TPCN2: variants seen among roughly 807,000 people sequenced by gnomAD.
TPCN2 encodes two pore segment channel 2, also known as two pore channel protein 2.
In TPCN2, 92 loss-of-function variants were observed where a neutral mutation model predicts 111.4. That is an observed-to-expected ratio of 0.83 (90% CI 0.70 to 0.98). The LOEUF is 0.98. Among genes scored for constraint, TPCN2 ranks in the 50% least tolerant of loss-of-function variants. The pLI is 0.00. For missense variants in TPCN2, 995 were observed against 980.1 expected, an observed-to-expected ratio of 1.02 and a Z score of -0.20; for synonymous variants, 405 against 414.5, an observed-to-expected ratio of 0.98 and a Z score of 0.28.
At chr11:69,052,349 A>AT (rs1398781285) in intron 1 of TPCN2, among the ~76,000 whole-genome samples, 1 of 151,990 alleles carries the variant, frequency 6.6e-6, no homozygotes, top group African/African-American at 2.4e-5. Context: ...TATTCATGGG[A>AT]TATATCAGCT....
At position 69,088,118 on chromosome 11, in the gene TPCN2, C is replaced by T. The variant is rs1856353253; in HGVS notation, c.*165C>T. On this transcript the variant is annotated 3_prime_UTR_variant, in exon 25 of 25. Transcript: ENST00000294309. Reference sequence around the variant, plus strand: ...AGGAACCAAGTCCTTTGCGTGTGGCCCAACAACCATCTACAGAACAGCTGC... The same window carrying T: ...AGGAACCAAGTCCTTTGCGTGTGGCTCAACAACCATCTACAGAACAGCTGC... 15 of 614,252 alleles carry T rather than the reference C, an allele frequency of 2.4e-5. No individual in the cohort carries two copies. In the South Asian group the frequency reaches 3.0e-4, roughly 12 times the overall value. The allele number at this position is 614,252 out of a possible 1,614,324, so 38.1% of individuals were successfully genotyped here. A position where few individuals can be genotyped will look rare whatever the true frequency, so the allele number is the denominator to read the frequency against.
In TPCN2 at chr11:69,078,558, A is replaced by G. The variant is rs774118790; in HGVS notation, c.1307A>G (p.Tyr436Cys). 1 of 1,613,874 alleles carries G rather than the reference A, an allele frequency of 6.2e-7. No homozygotes were observed. The highest frequency in any genetic ancestry group is 1.7e-5 in the Admixed American group (1 of 60,004). ...QFLFGHYYFD[Y>C]LGNLIALANL... ...CTCTTCGGCCACTACTACTTTGACT[A>G]CCTGGGGAACCTCATCGCCCTGGCA... Residue 436 changes from tyrosine to cysteine, a missense_variant, in exon 14 of 25, where the codon TAC becomes TGC. By Grantham distance (194) the Tyr-to-Cys change is radical. Transcript: ENST00000294309.
intron 1 of TPCN2, among the ~76,000 whole-genome samples, chr11:69,053,720 C>A (rs763711266): frequency 6.6e-6 from 1 of 152,188 alleles, no homozygotes; most frequent in African/African-American, 2.4e-5. Context: ...CGTGGAGGAG[C>A]CGGGCTCTGA....
At chr11:69,084,652 G>A (rs1482360402) in intron 19 of TPCN2, 7 of 985,332 alleles carry the variant, frequency 7.1e-6, no homozygotes, top group Non-Finnish European at 8.4e-6. Flanking sequence ...AGGCAGTTTT[G>A]CCATTTTATT....
intron 13 of TPCN2, among the ~76,000 whole-genome samples, chr11:69,077,677 A>G (rs1023239571): frequency 4.6e-5 from 7 of 152,174 alleles, no homozygotes; most frequent in Non-Finnish European, 1.0e-4. Context: ...TGACGTATAC[A>G]TGAAGCATTG....
chr11:69,060,440 G>T (rs1357763161), intron 5 of TPCN2, among the ~76,000 whole-genome samples: 1 of 152,210 alleles, frequency 6.6e-6, no homozygotes, highest in Non-Finnish European at 1.5e-5. Context: ...CTCCAGCCTT[G>T]TGGCCGAGTG....
intron 1 of TPCN2, among the ~76,000 whole-genome samples, chr11:69,053,608 C>T (rs573176346): frequency 3.0e-4 from 45 of 152,184 alleles, no homozygotes; most frequent in Admixed American, 1.2e-3. Flanking sequence ...GGCTCTTGTG[C>T]TCCTGCGTTG....
intron 4 of TPCN2, among the ~76,000 whole-genome samples, chr11:69,055,656 G>C (rs11228463): frequency 0.032 from 2,609 of 80,718 alleles, no homozygotes; most frequent in Non-Finnish European, 0.05. Flanking sequence ...GCAAACTGAG[G>C]CCAGTGTGCC....
At chr11:69,068,200 C>T (rs1050254595) in intron 8 of TPCN2, among the ~76,000 whole-genome samples, 1 of 152,238 alleles carries the variant, frequency 6.6e-6, no homozygotes, top group Non-Finnish European at 1.5e-5. Flanking sequence ...CTGGCTGGTG[C>T]CTTTCATCTT....
In TPCN2 at chr11:69,087,971, C is replaced by T; in HGVS notation, c.*18C>T. The T allele has an allele frequency of 1.3e-6, 2 of 1,598,288 alleles. No homozygotes were observed. Among genetic ancestry groups the T allele is most frequent in the Non-Finnish European group, 8.5e-7 (1 of 1,174,266 alleles). On this transcript the variant is annotated 3_prime_UTR_variant, in exon 25 of 25. Coordinates refer to ENST00000294309, the MANE Select transcript of TPCN2 (RefSeq NM_139075.4). ...GCAGGTGACGTCCGGGCTGCCGTCC[C>T]AGCAGGGGCGGCAGGAGAGAGAGGC...
chr11:69,081,126 G>A (rs1383505608), intron 17 of TPCN2, among the ~76,000 whole-genome samples: 2 of 152,020 alleles, frequency 1.3e-5, no homozygotes, highest in African/African-American at 4.8e-5. Flanking sequence ...TGTAGAAGGA[G>A]GGCTGCAGCC....
intron 19 of TPCN2, 133 bp downstream of exon 19, chr11:69,084,149 C>T: frequency 4.5e-6 from 4 of 897,530 alleles, no homozygotes; most frequent in Non-Finnish European, 7.1e-6. Context: ...GCAGCAGGTT[C>T]CTGAGGCCAG....
chr11:69,086,596 A>G lies in TPCN2; in HGVS notation c.2077A>G (p.Ile693Val). 3 of 1,613,704 alleles carry G rather than the reference A, an allele frequency of 1.9e-6. No homozygotes were observed. The highest frequency in any genetic ancestry group is 2.5e-6 in the Non-Finnish European group (3 of 1,179,888). ...CTGGGTCAACCTGTTTCTGGCCCTGATTCTGGAGGTATCAGAGATCCCCAC... is the reference window on the plus strand; with the variant it reads ...CTGGGTCAACCTGTTTCTGGCCCTGGTTCTGGAGGTATCAGAGATCCCCAC... ...VIWVNLFLALILENFLHKWDP... is the reference protein window; with the variant it reads ...VIWVNLFLALVLENFLHKWDP... Residue 693 changes from isoleucine to valine, a missense_variant, in exon 23 of 25, where the codon ATT (isoleucine) becomes GTT (valine). Physicochemically the swap from Ile to Val is conservative, Grantham distance 29. Transcript: ENST00000294309.
At chr11:69,085,339 G>A (rs371971469) in intron 20 of TPCN2, 53 bp downstream of exon 20, 1 of 1,435,160 alleles carries the variant, frequency 7.0e-7, no homozygotes, top group South Asian at 1.1e-5. Flanking sequence ...GCTGGGGTGG[G>A]CGGGAAGCCT....
chr11:69,088,083 A>G lies in TPCN2; in HGVS notation c.*130A>G. ...AGACCTTTCCTCTGACGGACCACTA[A>G]GCTGGGGACAGGAACCAAGTCCTTT... is the stretch of plus-strand genomic sequence containing the variant. On this transcript the variant is annotated 3_prime_UTR_variant, in exon 25 of 25. Coordinates refer to ENST00000294309, the MANE Select transcript of TPCN2 (RefSeq NM_139075.4). 5.5e-6 allele frequency: 4 copies of G among 732,554 alleles called. No individual in the cohort carries two copies. Among genetic ancestry groups the G allele is most frequent in the Non-Finnish European group, 8.8e-6 (4 of 455,272 alleles). The allele number at this position is 732,554 out of a possible 1,614,324, so 45.4% of individuals were successfully genotyped here.
Position 69,087,931 on chromosome 11 carries a change from C to G in TPCN2, c.2237C>G (p.Pro746Arg), listed in dbSNP as rs755078998. 8.7e-6 allele frequency: 14 copies of G among 1,610,980 alleles called. No individual in the cohort carries two copies. In the African/African-American group the frequency reaches 1.6e-4, roughly 18 times the overall value. The change falls in exon 25 of 25, where the codon CCG becomes CGG. Residue 746 changes from proline (P) to arginine (R), a missense_variant. Coordinates refer to ENST00000294309, the MANE Select transcript of TPCN2 (RefSeq NM_139075.4). The stretch of plus-strand genomic sequence containing the variant: ...CTCACAGAGAGGCTGAGCCAGCACC[C>G]GCACCTGTGGCTGTGCAGGTGACGT... ...DELTERLSQHPHLWLCR is the reference protein window; with the variant it reads ...DELTERLSQHRHLWLCR
intron 13 of TPCN2, among the ~76,000 whole-genome samples, chr11:69,074,624 C>T (rs567664914): frequency 2.0e-5 from 3 of 152,208 alleles, no homozygotes; most frequent in South Asian, 2.1e-4. Flanking sequence ...TGCTGTGATC[C>T]GGCCCATGTT....
intron 19 of TPCN2, chr11:69,084,979 TAGG>T: frequency 3.2e-6 from 1 of 307,986 alleles, no homozygotes; most frequent in Non-Finnish European, 4.7e-6. Flanking sequence ...CTAATTCCCT[TAGG>T]AGCTCCATGA....
chr11:69,085,350 T>C, intron 20 of TPCN2, 64 bp downstream of exon 20: 2 of 1,426,834 alleles, frequency 1.4e-6, no homozygotes, highest in South Asian at 1.1e-5. Flanking sequence ...CGGGAAGCCT[T>C]GGCGGTGGCC....
Sources: allele counts gnomAD v4.1 joint callset (sites outside exome capture counted in the v4.1 genomes callset), GRCh38; gene constraint gnomAD v4.1.1; transcripts MANE v1.5; gene names NCBI Gene and HGNC (gene_info 2026-07-23, HGNC 2026-07-21).